Variants in ASTN2 observed in about 807,000 individuals in gnomAD.
ASTN2 encodes astrotactin 2.
Under a neutral mutation model 139.8 loss-of-function variants are expected in ASTN2, and 54 were observed. That is an observed-to-expected ratio of 0.39 (90% confidence interval 0.31 to 0.48). The LOEUF is 0.48. ASTN2 is among the 20% of genes least tolerant of loss of function. The pLI, the probability that ASTN2 is intolerant of heterozygous loss-of-function variation, is 0.95. For synonymous variants in ASTN2, 756 were observed against 719.5 expected, an observed-to-expected ratio of 1.05 and a Z score of -0.81; for missense variants, 1,565 against 1,725.1, an observed-to-expected ratio of 0.91 and a Z score of 1.64.
At chr9:116,925,230 C>T (rs1368799007) in intron 10 of ASTN2, among the ~76,000 whole-genome samples, 6 of 152,154 alleles carry the variant, frequency 3.9e-5, no homozygotes, top group African/African-American at 1.4e-4. Context: ...GCACTACCAC[C>T]ACTACCATCA....
At chr9:116,522,916 T>A (rs540163699) in intron 19 of ASTN2, among the ~76,000 whole-genome samples, 1 of 152,122 alleles carries the variant, frequency 6.6e-6, no homozygotes, top group South Asian at 2.1e-4. Flanking sequence ...TAACTATGAA[T>A]AAAAAAATAA....
intron 1 of ASTN2, among the ~76,000 whole-genome samples, chr9:117,298,660 ATATATATGTG>A (rs1303173333): frequency 7.1e-5 from 6 of 84,562 alleles, no homozygotes; most frequent in African/African-American, 1.6e-4. Context: ...GTGTGTGTAT[ATATATATGTG>A]TATATATATA....
intron 5 of ASTN2, among the ~76,000 whole-genome samples, chr9:117,060,533 GGAAA>G (rs1244898081): frequency 0.023 from 2,705 of 118,748 alleles, 354 homozygotes; most frequent in African/African-American, 0.094. Flanking sequence ...AAGGAAGGAA[GGAAA>G]GAAAGAAAGA....
chr9:116,545,673 T>A (rs2119374547), intron 19 of ASTN2: 1 of 143,486 alleles, frequency 7.0e-6, no homozygotes, highest in Non-Finnish European at 1.5e-5. Context: ...TGACCAATTT[T>A]TAGCAGAAAA....
At chr9:116,687,524 A>C (rs2132040241) in intron 16 of ASTN2, 1 of 30,934 alleles carries the variant, frequency 3.2e-5, no homozygotes, top group Admixed American at 4.6e-4. Flanking sequence ...TGGGGGGGGC[A>C]GGACTAGGGT....
At chr9:117,384,008 T>C (rs1015143158) in intron 1 of ASTN2, among the ~76,000 whole-genome samples, 1 of 152,142 alleles carries the variant, frequency 6.6e-6, no homozygotes, top group East Asian at 1.9e-4. Flanking sequence ...TCTCCACTTA[T>C]CTTGTGTCAG....
chr9:117,250,322 G>T (rs865836503), intron 2 of ASTN2, among the ~76,000 whole-genome samples: 45 of 152,320 alleles, frequency 3.0e-4, no homozygotes, highest in African/African-American at 8.7e-4. Context: ...TCACAAGTTA[G>T]TGTTGAAGAT....
chr9:116,425,561 G>A lies in ASTN2; in HGVS notation c.*290C>T, dbSNP rs770783279. On this transcript the variant is annotated 3_prime_UTR_variant, in exon 23 of 23. Transcript: ENST00000313400. ...GTCTCCACCTGAAAACTTCTGCCTC[G>A]GGATTGACAGCCATCCATAAGAAAA... 1.9e-6 allele frequency: 3 copies of A among 1,612,800 alleles called. No homozygotes were observed. Among genetic ancestry groups the A allele is most frequent in the South Asian group, 2.2e-5 (2 of 90,762 alleles).
intron 1 of ASTN2, among the ~76,000 whole-genome samples, chr9:117,303,363 G>A (rs990158953): frequency 6.6e-6 from 1 of 152,162 alleles, no homozygotes; most frequent in Admixed American, 6.6e-5. Flanking sequence ...GAGGTAGAGT[G>A]TGCAGGAAGG....
intron 19 of ASTN2, among the ~76,000 whole-genome samples, chr9:116,535,417 G>C (rs1171106718): frequency 6.6e-6 from 1 of 152,064 alleles, no homozygotes; most frequent in Non-Finnish European, 1.5e-5. Flanking sequence ...ATGTTAGCTG[G>C]TTATTTTGTT....
chr9:117,123,033 A>T (rs1829598025), intron 4 of ASTN2, among the ~76,000 whole-genome samples: 1 of 152,138 alleles, frequency 6.6e-6, no homozygotes, highest in Non-Finnish European at 1.5e-5. Context: ...AGATTACTGA[A>T]GAGGAAGCCA....
intron 4 of ASTN2, among the ~76,000 whole-genome samples, chr9:117,120,014 GTGTGTA>G (rs1240741354): frequency 2.8e-5 from 1 of 35,324 alleles, no homozygotes; most frequent in Admixed American, 3.2e-4. Context: ...GTGTGTGTGT[GTGTGTA>G]TATATATATA....
chr9:117,256,872 TG>T (rs1159124898), intron 2 of ASTN2, among the ~76,000 whole-genome samples: 1 of 151,910 alleles, frequency 6.6e-6, no homozygotes, highest in Non-Finnish European at 1.5e-5. Context: ...ATTTAAGAGA[TG>T]GGGAAACTGA....
intron 10 of ASTN2, among the ~76,000 whole-genome samples, chr9:116,957,067 C>A (rs1319248436): frequency 8.6e-6 from 1 of 115,618 alleles, no homozygotes. Context: ...TTTTTTTTTG[C>A]AGAAATTGAG....
chr9:117,003,117 C>T (rs1161183607), intron 7 of ASTN2, among the ~76,000 whole-genome samples: 1 of 152,180 alleles, frequency 6.6e-6, no homozygotes, highest in Non-Finnish European at 1.5e-5. Flanking sequence ...GAACCCAGGA[C>T]ACAAGGCAAA....
intron 5 of ASTN2, among the ~76,000 whole-genome samples, chr9:117,066,339 G>T (rs1827941859): frequency 2.0e-5 from 3 of 148,518 alleles, no homozygotes; most frequent in Admixed American, 1.3e-4. Context: ...CCCTACAAAG[G>T]ACATGAACTC....
At chr9:116,534,212 C>G (rs915451600) in intron 19 of ASTN2, among the ~76,000 whole-genome samples, 1 of 152,074 alleles carries the variant, frequency 6.6e-6, no homozygotes. Context: ...GTGATATCCC[C>G]TTTATCATTT....
intron 16 of ASTN2, among the ~76,000 whole-genome samples, chr9:116,671,706 A>G (rs1370848164): frequency 6.6e-6 from 1 of 152,164 alleles, no homozygotes; most frequent in Non-Finnish European, 1.5e-5. Context: ...AAAAAAACCA[A>G]ATGAGTCATG....
chr9:117,409,492 G>A (rs62563487), intron 1 of ASTN2, among the ~76,000 whole-genome samples: 18 of 152,312 alleles, frequency 1.2e-4, no homozygotes, highest in Admixed American at 2.6e-4. Context: ...TTGTATTACC[G>A]TTAGGGGTCA....
Sources: allele counts gnomAD v4.1 joint callset (sites outside exome capture counted in the v4.1 genomes callset), GRCh38; gene constraint gnomAD v4.1.1; transcripts MANE v1.5; gene names NCBI Gene and HGNC (gene_info 2026-07-23, HGNC 2026-07-21).